The following KCNK9 variants were observed in gnomAD, a reference collection of about 807,000 sequenced individuals.
The protein encoded by KCNK9 is potassium channel subfamily K member 9.
Under a neutral mutation model 10.8 loss-of-function variants are expected in KCNK9, and 1 was observed. That is an observed-to-expected ratio of 0.09 (90% CI 0.03 to 0.44). KCNK9 has a LOEUF of 0.44. Ranked by LOEUF, KCNK9 falls within the 20% of genes least tolerant of loss-of-function variation. The pLI is 0.97. For missense variants in KCNK9, 303 were observed against 515.0 expected (o/e 0.59, Z 3.98); for synonymous variants, 231 against 222.7 (o/e 1.04, Z -0.33).
intron 1 of KCNK9, among the ~76,000 whole-genome samples, chr8:139,659,581 G>C (rs937883363): frequency 6.6e-6 from 1 of 152,012 alleles, no homozygotes; most frequent in South Asian, 2.1e-4. Flanking sequence ...GCACAATCTC[G>C]GCTCACTGCA....
At chr8:139,606,265 A>G (rs1586619863) in intron 2 of KCNK9, among the ~76,000 whole-genome samples, 1 of 152,014 alleles carries the variant, frequency 6.6e-6, no homozygotes, top group Non-Finnish European at 1.5e-5. Flanking sequence ...GATTTCCATC[A>G]CCCTCCCACA....
At chr8:139,686,142 C>T (rs1316792345) in intron 1 of KCNK9, among the ~76,000 whole-genome samples, 2 of 152,118 alleles carry the variant, frequency 1.3e-5, no homozygotes, top group Admixed American at 1.3e-4. Flanking sequence ...AAATGTAAGA[C>T]CTAACACCAT....
downstream of KCNK9, among the ~76,000 whole-genome samples, chr8:139,610,874 C>T (rs1242235009): frequency 6.6e-6 from 1 of 152,240 alleles, no homozygotes; most frequent in African/African-American, 2.4e-5. Flanking sequence ...TGTGTCATGT[C>T]TCCCAAGAGT....
At chr8:139,696,203 T>C (rs1172914844) in intron 1 of KCNK9, among the ~76,000 whole-genome samples, 1 of 152,168 alleles carries the variant, frequency 6.6e-6, no homozygotes. Context: ...TGTTACATAA[T>C]GAGCTCTTTA....
At chr8:139,606,516 A>G (rs1042176044) in intron 2 of KCNK9, among the ~76,000 whole-genome samples, 1 of 152,102 alleles carries the variant, frequency 6.6e-6, no homozygotes, top group Non-Finnish European at 1.5e-5. Flanking sequence ...TATGCCAATC[A>G]TTTTGATGGG....
intron 1 of KCNK9, among the ~76,000 whole-genome samples, chr8:139,664,957 G>A (rs919027358): frequency 1.3e-5 from 2 of 152,176 alleles, no homozygotes; most frequent in Non-Finnish European, 2.9e-5. Flanking sequence ...GGGATCTGGG[G>A]GGGATGTCTC....
chr8:139,686,399 A>ACTT (rs889556234), intron 1 of KCNK9, among the ~76,000 whole-genome samples: 119 of 152,334 alleles, frequency 7.8e-4, no homozygotes, highest in African/African-American at 2.8e-3. Flanking sequence ...TCTACAAAGA[A>ACTT]CTTAAACAAA....
At chr8:139,696,518 T>C (rs1034251115) in intron 1 of KCNK9, among the ~76,000 whole-genome samples, 9 of 152,314 alleles carry the variant, frequency 5.9e-5, no homozygotes, top group African/African-American at 1.9e-4. Flanking sequence ...GTACTGTGCC[T>C]GCTCACCACC....
At chr8:139,692,335 G>T (rs1174458976) in intron 1 of KCNK9, among the ~76,000 whole-genome samples, 1 of 152,228 alleles carries the variant, frequency 6.6e-6, no homozygotes, top group African/African-American at 2.4e-5. Flanking sequence ...GCACATTTGG[G>T]CAATGACAAG....
At chr8:139,692,901 C>A (rs1816962817) in intron 1 of KCNK9, among the ~76,000 whole-genome samples, 1 of 152,048 alleles carries the variant, frequency 6.6e-6, no homozygotes, top group Non-Finnish European at 1.5e-5. Context: ...GCTTCTGCTT[C>A]AAATGTGGGA....
At chr8:139,670,565 A>G (rs143180102) in intron 1 of KCNK9, among the ~76,000 whole-genome samples, 30 of 152,344 alleles carry the variant, frequency 2.0e-4, no homozygotes, top group African/African-American at 7.2e-4. Context: ...GGTTATGTGC[A>G]AATACCGCAC....
At chr8:139,670,091 T>A (rs1005571067) in intron 1 of KCNK9, among the ~76,000 whole-genome samples, 1 of 152,176 alleles carries the variant, frequency 6.6e-6, no homozygotes, top group Admixed American at 6.5e-5. Flanking sequence ...CAGGCTGCCA[T>A]CCAGGCTTTG....
chr8:139,611,985 G>T (rs1370773292), downstream of KCNK9: 3 of 152,250 alleles, frequency 2.0e-5, no homozygotes, highest in African/African-American at 7.2e-5. Flanking sequence ...TGTGGCCGGG[G>T]CCATAGAAGG....
At chr8:139,601,241 A>G (rs1371229612) in exon 3 of KCNK9, 1 of 152,192 alleles carries the variant, frequency 6.6e-6, no homozygotes, top group Non-Finnish European at 1.5e-5. Flanking sequence ...TCCCCAACTG[A>G]GTAGTGACAG....
intron 1 of KCNK9, among the ~76,000 whole-genome samples, chr8:139,632,182 G>C (rs1815194308): frequency 6.6e-6 from 1 of 152,178 alleles, no homozygotes; most frequent in Non-Finnish European, 1.5e-5. Context: ...GGGGGCTGGG[G>C]CCTCTGCATT....
At chr8:139,654,759 G>A (rs1815972522) in intron 1 of KCNK9, among the ~76,000 whole-genome samples, 1 of 152,200 alleles carries the variant, frequency 6.6e-6, no homozygotes, top group African/African-American at 2.4e-5. Context: ...GTGGGGGAAG[G>A]CAGATCAGCG....
intron 1 of KCNK9, among the ~76,000 whole-genome samples, chr8:139,681,540 G>C (rs759863564): frequency 1.3e-5 from 2 of 152,224 alleles, no homozygotes; most frequent in African/African-American, 4.8e-5. Context: ...AACTTGACCC[G>C]GCAGACTTCC....
chr8:139,621,937 T>C (rs576323773), intron 1 of KCNK9, among the ~76,000 whole-genome samples: 1 of 152,318 alleles, frequency 6.6e-6, no homozygotes, highest in Admixed American at 6.5e-5. Context: ...ACCATGGCAT[T>C]TTCTGGGTCA....
At chr8:139,671,466 G>A (rs1165170469) in intron 1 of KCNK9, among the ~76,000 whole-genome samples, 6 of 152,014 alleles carry the variant, frequency 3.9e-5, no homozygotes, top group African/African-American at 7.2e-5. Flanking sequence ...CATTGAGCCC[G>A]TGCCCAAGGC....
Sources: allele counts gnomAD v4.1 joint callset (sites outside exome capture counted in the v4.1 genomes callset), GRCh38; gene constraint gnomAD v4.1.1; transcripts MANE v1.5; gene names NCBI Gene and HGNC (gene_info 2026-07-23, HGNC 2026-07-21).